Variants in CDK14 observed in about 807,000 individuals in gnomAD.
The protein encoded by CDK14 is cyclin-dependent kinase 14.
A neutral mutation model predicts 60.7 loss-of-function variants in CDK14; 34 were observed. That is an observed-to-expected ratio of 0.56 (90% CI 0.43 to 0.75). The LOEUF (loss-of-function observed/expected upper bound fraction) is 0.75, where lower values mean the gene tolerates loss of function less well. CDK14 is among the 30% of genes least tolerant of loss of function. The pLI, the probability that CDK14 is intolerant of heterozygous loss-of-function variation, is 0.00. For missense variants in CDK14, 482 were observed against 564.1 expected (o/e 0.85, Z 1.47); for synonymous variants, 197 against 203.7 (o/e 0.97, Z 0.28).
At chr7:90,832,193 G>A (rs1789937344) in intron 5 of CDK14, among the ~76,000 whole-genome samples, 1 of 152,068 alleles carries the variant, frequency 6.6e-6, no homozygotes, top group Non-Finnish European at 1.5e-5. Flanking sequence ...TGTTATGTAT[G>A]TGTATTTGTT....
At chr7:91,031,007 G>T (rs149861167) in intron 10 of CDK14, among the ~76,000 whole-genome samples, 1 of 152,334 alleles carries the variant, frequency 6.6e-6, no homozygotes, top group Non-Finnish European at 1.5e-5. Flanking sequence ...CATCAGGAAG[G>T]CTGTTGTACC....
intron 6 of CDK14, among the ~76,000 whole-genome samples, chr7:90,868,463 C>G (rs1791259885): frequency 6.6e-6 from 1 of 151,900 alleles, no homozygotes; most frequent in African/African-American, 2.4e-5. Flanking sequence ...ATTTGCATAT[C>G]AGTCATACCT....
intron 5 of CDK14, among the ~76,000 whole-genome samples, chr7:90,840,513 G>GA (rs1790254415): frequency 1.3e-5 from 2 of 152,168 alleles, no homozygotes; most frequent in African/African-American, 2.4e-5. Flanking sequence ...TAAGCAGGGA[G>GA]AACAAGAGTT....
At chr7:90,935,716 A>G (rs1793732666) in intron 8 of CDK14, among the ~76,000 whole-genome samples, 1 of 152,108 alleles carries the variant, frequency 6.6e-6, no homozygotes. Context: ...TAAGTAATAT[A>G]TGTGCCTTGT....
chr7:91,151,653 C>T lies in CDK14; in HGVS notation c.*28+33445C>T, dbSNP rs745542476. 9.9e-5 allele frequency among the ~76,000 whole-genome samples: 15 copies of T among 152,224 alleles called. No homozygotes were observed. The South Asian group carries it at 1.5e-3, about 15-fold the overall frequency. ...TGGAATGACATCCCTCTTGGCGGTCCACATTTGGTTCTAAAAGGTCACTTG... is the reference window on the plus strand; with the variant it reads ...TGGAATGACATCCCTCTTGGCGGTCTACATTTGGTTCTAAAAGGTCACTTG... On this transcript the variant is annotated intron_variant, in intron 14 of 14. Coordinates refer to ENST00000380050, the MANE Select transcript of CDK14 (RefSeq NM_001287135.2).
intron 11 of CDK14, among the ~76,000 whole-genome samples, chr7:91,068,008 AT>A (rs1798028478): frequency 1.3e-5 from 2 of 152,202 alleles, no homozygotes; most frequent in Non-Finnish European, 2.9e-5. Flanking sequence ...GACTTAATTA[AT>A]TTTTAAAATG....
rs1476206942 is a variant in CDK14 at position 91,209,886 on chromosome 7, AAGTTTCTAGGAGCACCTCC to A, written c.*2753_*2771del. 2 of 152,618 alleles carry A rather than the reference AAGTTTCTAGGAGCACCTCC, an allele frequency of 1.3e-5. No individual in the cohort carries two copies. The highest frequency in any genetic ancestry group is 2.4e-5 in the African/African-American group (1 of 41,438). 9.5% of individuals were successfully genotyped at this position (152,618 alleles called of 1,614,324 possible). A position where few individuals can be genotyped will look rare whatever the true frequency, so the allele number is the denominator to read the frequency against. On this transcript the variant is annotated 3_prime_UTR_variant, in exon 15 of 15. Transcript: ENST00000380050. ...TTTCTACCTCGCAAGAGTGACTAGA[AAGTTTCTAGGAGCACCTCC>A]AGGCTTGCAAAGAAAGTGAGGCCTC...
intron 2 of CDK14, among the ~76,000 whole-genome samples, chr7:90,639,852 A>G (rs1336913416): frequency 1.3e-5 from 2 of 152,062 alleles, no homozygotes; most frequent in East Asian, 1.9e-4. Context: ...CCTGGCTGCT[A>G]CCTTGCAGTT....
intron 9 of CDK14, among the ~76,000 whole-genome samples, chr7:90,967,281 A>G (rs557043258): frequency 3.9e-5 from 6 of 152,280 alleles, no homozygotes; most frequent in Non-Finnish European, 7.4e-5. Context: ...AAGGATCTTT[A>G]TAGGAAGGGA....
intron 8 of CDK14, among the ~76,000 whole-genome samples, chr7:90,938,956 A>G (rs1203304071): frequency 6.6e-6 from 1 of 152,310 alleles, no homozygotes; most frequent in African/African-American, 2.4e-5. Flanking sequence ...GCATTTTAAC[A>G]TATAGTCATA....
At chr7:91,079,543 T>A in intron 12 of CDK14, 63 bp downstream of exon 12, 1 of 1,160,166 alleles carries the variant, frequency 8.6e-7, no homozygotes, top group Non-Finnish European at 1.3e-6. Flanking sequence ...ACAACTCTTC[T>A]CATACGTTTT....
At chr7:90,639,788 G>T (rs559236876) in intron 2 of CDK14, among the ~76,000 whole-genome samples, 31 of 151,904 alleles carry the variant, frequency 2.0e-4, no homozygotes, top group African/African-American at 6.8e-4. Context: ...CGAGCTTCCC[G>T]GCTGCTTTGT....
chr7:91,148,299 G>A (rs1800718591), intron 14 of CDK14, among the ~76,000 whole-genome samples: 1 of 152,156 alleles, frequency 6.6e-6, no homozygotes, highest in Non-Finnish European at 1.5e-5. Context: ...CTTGGGCTGT[G>A]GAGGTCAAGG....
chr7:91,009,054 T>C (rs1796077213), intron 10 of CDK14, among the ~76,000 whole-genome samples: 1 of 152,186 alleles, frequency 6.6e-6, no homozygotes, highest in Admixed American at 6.5e-5. Context: ...TACTGATCTG[T>C]CTGCTGTCAC....
chr7:90,966,010 T>C (rs990482367), intron 9 of CDK14, among the ~76,000 whole-genome samples: 3 of 152,128 alleles, frequency 2.0e-5, no homozygotes, highest in Non-Finnish European at 4.4e-5. Context: ...TCTTTTTCTA[T>C]TGGTGCTGGG....
At chr7:90,934,791 C>T (rs1021769371) in intron 8 of CDK14, among the ~76,000 whole-genome samples, 3 of 152,076 alleles carry the variant, frequency 2.0e-5, no homozygotes, top group Non-Finnish European at 4.4e-5. Context: ...ATACATACAC[C>T]AAATTTGTGG....
intron 14 of CDK14, among the ~76,000 whole-genome samples, chr7:91,154,200 T>G (rs188047524): frequency 5.9e-5 from 9 of 152,154 alleles, no homozygotes; most frequent in Admixed American, 5.9e-4. Flanking sequence ...GGGGTTATAC[T>G]TTACTTAACT....
intron 12 of CDK14, among the ~76,000 whole-genome samples, chr7:91,087,727 C>G (rs559212865): frequency 6.6e-6 from 1 of 152,202 alleles, no homozygotes; most frequent in East Asian, 1.9e-4. Flanking sequence ...ACATGGATAC[C>G]ACTCCTACAT....
At chr7:90,711,747 G>T (rs1031870165) in intron 2 of CDK14, among the ~76,000 whole-genome samples, 2 of 152,038 alleles carry the variant, frequency 1.3e-5, no homozygotes, top group Admixed American at 6.6e-5. Context: ...CTTTCTCATG[G>T]ATAGTCAGTT....
Sources: allele counts gnomAD v4.1 joint callset (sites outside exome capture counted in the v4.1 genomes callset), GRCh38; gene constraint gnomAD v4.1.1; transcripts MANE v1.5; gene names NCBI Gene and HGNC (gene_info 2026-07-23, HGNC 2026-07-21).